The following MTUS2 variants were observed in gnomAD, a reference collection of about 807,000 sequenced individuals.
MTUS2 encodes the protein microtubule-associated tumor suppressor candidate 2.
Under a neutral mutation model 114.1 loss-of-function variants are expected in MTUS2, and 40 were observed. The observed-to-expected ratio is 0.35, with a 90% confidence interval of 0.27 to 0.46. The LOEUF is 0.46. MTUS2 is among the 20% of genes least tolerant of loss of function. The pLI, the probability that MTUS2 is intolerant of heterozygous loss-of-function variation, is 1.00. For synonymous variants in MTUS2, 688 were observed against 672.0 expected (o/e 1.02, Z -0.37); for missense variants, 1,679 against 1,705.4 (o/e 0.98, Z 0.27).
chr13:29,014,615 G>T lies in MTUS2; in HGVS notation c.-242-9842G>T, dbSNP rs556445564. Among the ~76,000 whole-genome samples, 6 of 152,306 alleles carry T rather than the reference G, an allele frequency of 3.9e-5. No individual in the cohort carries two copies. In the South Asian group the frequency reaches 1.2e-3, roughly 32 times the overall value. On this transcript the variant is annotated intron_variant, in intron 2 of 15. Coordinates refer to ENST00000612955, the MANE Select transcript of MTUS2 (RefSeq NM_001033602.4). ...GGGGCTTTGACTGAGGGTAGAGGAG[G>T]ACCATCCAGGAAAGCCCCTCCTCAG...
intron 9 of MTUS2, among the ~76,000 whole-genome samples, chr13:29,446,175 A>C (rs1345144828): frequency 6.6e-6 from 1 of 152,234 alleles, no homozygotes; most frequent in Admixed American, 6.5e-5. Context: ...GACTTGTGCC[A>C]GAAACTGGGG....
At chr13:29,028,594 C>A (rs1886671953) in intron 3 of MTUS2, among the ~76,000 whole-genome samples, 1 of 151,906 alleles carries the variant, frequency 6.6e-6, no homozygotes, top group East Asian at 1.9e-4. Context: ...CTCTCTCCCT[C>A]ACTCCCTTTA....
Position 29,337,793 on chromosome 13 carries a change from G to GTTT in MTUS2, c.2905+13093_2905+13095dup, listed in dbSNP as rs567260002. ...ATTTTTTGTTTGTTTGTTTGTTTTG[G>GTTT]TTTTTTTTTTTTTGAGACAGAGTCT... On this transcript the variant is annotated intron_variant, in intron 7 of 15. Coordinates refer to ENST00000612955, the MANE Select transcript of MTUS2 (RefSeq NM_001033602.4). 4.1e-4 allele frequency among the ~76,000 whole-genome samples: 55 copies of GTTT among 132,630 alleles called. 1 individual carries two copies. The highest frequency in any genetic ancestry group is 7.2e-4 in the African/African-American group (25 of 34,562). The allele number at this position is 132,630 out of a possible 152,430, so 87.0% of individuals were successfully genotyped here. A position where few individuals can be genotyped will look rare whatever the true frequency, so the allele number is the denominator to read the frequency against.
At position 29,244,486 on chromosome 13, in the gene MTUS2, A is replaced by C. The variant is rs149517798; in HGVS notation, c.2645-37218A>C. Among the ~76,000 whole-genome samples the C allele has an allele frequency of 3.4e-3, 516 of 152,218 alleles. 3 individuals carry two copies. The highest frequency in any genetic ancestry group is 0.011 in the African/African-American group (474 of 41,536). ...GGCTGATTAGGAGGAAATGAAGGGC[A>C]TGGAGACTGAATGGGCCACTGAGAT... On this transcript the variant is annotated intron_variant, in intron 5 of 15. Coordinates refer to ENST00000612955, the MANE Select transcript of MTUS2 (RefSeq NM_001033602.4).
At chr13:28,911,845 G>GTTTTTTTT (rs202187530) in intron 2 of MTUS2, among the ~76,000 whole-genome samples, 5 of 103,822 alleles carry the variant, frequency 4.8e-5, no homozygotes, top group Non-Finnish European at 1.0e-4. Flanking sequence ...ACTTTTTAAT[G>GTTTTTTTT]TTTTTTTTTT....
intron 10 of MTUS2, chr13:29,482,493 T>C (rs1055615564): frequency 7.9e-5 from 12 of 152,262 alleles, no homozygotes; most frequent in African/African-American, 2.9e-4. Flanking sequence ...GCTCTGTTCA[T>C]GATCCTTTAT....
intron 11 of MTUS2, among the ~76,000 whole-genome samples, chr13:29,491,962 T>C (rs565494350): frequency 2.7e-5 from 4 of 147,202 alleles, no homozygotes; most frequent in Non-Finnish European, 6.0e-5. Flanking sequence ...AGTGTGTGTG[T>C]ATGTGATGTG....
rs137867886 is a variant in MTUS2 at position 29,473,579 on chromosome 13, G to A, written c.3185-6571G>A. On this transcript the variant is annotated intron_variant, in intron 9 of 15. Transcript: ENST00000612955. ...GATATCTTTATATATTATATATGTC[G>A]GAGGATGTTCAGAATGCAGTTTTAA... Among the ~76,000 whole-genome samples the A allele has an allele frequency of 2.1e-3, 320 of 152,174 alleles. 2 individuals carry two copies. Among genetic ancestry groups the A allele is most frequent in the African/African-American group, 7.5e-3 (311 of 41,512 alleles).
intron 9 of MTUS2, among the ~76,000 whole-genome samples, chr13:29,456,820 C>G (rs1012743481): frequency 3.3e-5 from 5 of 151,988 alleles, no homozygotes; most frequent in Non-Finnish European, 5.9e-5. Flanking sequence ...TTAAGATGGT[C>G]AAAATGGTAA....
intron 7 of MTUS2, among the ~76,000 whole-genome samples, chr13:29,328,546 G>A (rs1900626669): frequency 6.6e-6 from 1 of 152,210 alleles, no homozygotes; most frequent in Admixed American, 6.5e-5. Flanking sequence ...AGAAAGGAAT[G>A]TTTGAGTTAA....
In MTUS2 at chr13:29,307,596, C is replaced by T. The variant is rs1899535220; in HGVS notation, c.2807-17017C>T. The T allele has an allele frequency of 3.3e-6, 4 of 1,195,144 alleles. No individual in the cohort carries two copies. The East Asian group carries it at 7.1e-5, about 21-fold the overall frequency. The allele number at this position is 1,195,144 out of a possible 1,614,324, so 74.0% of individuals were successfully genotyped here. On this transcript the variant is annotated intron_variant, in intron 6 of 15. Transcript: ENST00000612955. ...TGTCAGAGGGCCCCCTCAAGGGCAT[C>T]CTGGGCTACACTGAGTACCAGCTTG...
intron 8 of MTUS2, among the ~76,000 whole-genome samples, chr13:29,376,959 A>ACAAT: frequency 6.6e-6 from 1 of 152,102 alleles, no homozygotes; most frequent in South Asian, 2.1e-4. Flanking sequence ...CCACAAATGA[A>ACAAT]AAACTGGAGT....
chr13:28,864,045 G>C (rs1447628792), intron 2 of MTUS2, among the ~76,000 whole-genome samples: 1 of 152,150 alleles, frequency 6.6e-6, no homozygotes, highest in Non-Finnish European at 1.5e-5. Context: ...CCTCTGTGCT[G>C]TTGCTTTTCT....
intron 4 of MTUS2, among the ~76,000 whole-genome samples, chr13:29,038,178 G>T (rs1184725311): frequency 6.6e-6 from 1 of 152,332 alleles, no homozygotes; most frequent in East Asian, 1.9e-4. Flanking sequence ...TGATGTTGGT[G>T]ATCTTCAGAT....
At chr13:28,905,815 T>C (rs1190709705) in intron 2 of MTUS2, among the ~76,000 whole-genome samples, 1 of 151,530 alleles carries the variant, frequency 6.6e-6, no homozygotes, top group African/African-American at 2.4e-5. Flanking sequence ...ATTGGAATAG[T>C]TTCAGAAGGA....
At chr13:28,826,006 T>TTG (rs1263028366) in intron 1 of MTUS2, among the ~76,000 whole-genome samples, 1 of 152,198 alleles carries the variant, frequency 6.6e-6, no homozygotes, top group East Asian at 1.9e-4. Context: ...ATGGGGAACT[T>TTG]AAGGTCATTC....
intron 5 of MTUS2, among the ~76,000 whole-genome samples, chr13:29,132,031 A>C (rs932753050): frequency 1.3e-5 from 2 of 152,218 alleles, no homozygotes; most frequent in African/African-American, 4.8e-5. Context: ...ATGACCTCCC[A>C]AGATGACACT....
At chr13:29,278,810 A>G (rs898305577) in intron 5 of MTUS2, among the ~76,000 whole-genome samples, 1 of 152,170 alleles carries the variant, frequency 6.6e-6, no homozygotes, top group African/African-American at 2.4e-5. Context: ...GAAATCGTTT[A>G]TCATATATTT....
chr13:29,358,902 T>G (rs746788569), intron 7 of MTUS2, among the ~76,000 whole-genome samples: 49 of 149,688 alleles, frequency 3.3e-4, no homozygotes, highest in Non-Finnish European at 5.5e-4. Context: ...GACTTCTATC[T>G]GGATTGATTG....
Sources: allele counts gnomAD v4.1 joint callset (sites outside exome capture counted in the v4.1 genomes callset), GRCh38; gene constraint gnomAD v4.1.1; transcripts MANE v1.5; gene names NCBI Gene and HGNC (gene_info 2026-07-23, HGNC 2026-07-21).